MSRB3: variants seen among roughly 807,000 people sequenced by gnomAD.
MSRB3 encodes methionine-R-sulfoxide reductase B3.
Under a neutral mutation model 21.0 loss-of-function variants are expected in MSRB3, and 13 were observed. That is an observed-to-expected ratio of 0.62 (90% confidence interval 0.40 to 0.98). MSRB3 has a LOEUF of 0.98. Among genes scored for constraint, MSRB3 ranks in the 50% least tolerant of loss-of-function variants. The pLI, the probability that MSRB3 is intolerant of heterozygous loss-of-function variation, is 0.00. For synonymous variants in MSRB3, 87 were observed against 88.6 expected, an observed-to-expected ratio of 0.98 and a Z score of 0.10; for missense variants, 199 against 230.3, an observed-to-expected ratio of 0.86 and a Z score of 0.88.
intron 5 of MSRB3, among the ~76,000 whole-genome samples, chr12:65,403,803 A>G (rs1469294866): frequency 6.6e-6 from 1 of 152,162 alleles, no homozygotes; most frequent in Non-Finnish European, 1.5e-5. Context: ...TATCTGTGCC[A>G]GAGTGCAGCG....
intron 4 of MSRB3, among the ~76,000 whole-genome samples, chr12:65,354,597 G>T (rs7307667): frequency 0.092 from 13,944 of 151,572 alleles, 2,198 homozygotes; most frequent in African/African-American, 0.32. Flanking sequence ...AGGACTTCTC[G>T]GCATTGGTTA....
intron 6 of MSRB3, among the ~76,000 whole-genome samples, chr12:65,459,454 T>C (rs1268428354): frequency 6.6e-6 from 1 of 152,170 alleles, no homozygotes; most frequent in Non-Finnish European, 1.5e-5. Flanking sequence ...AAAATCATAA[T>C]GCTAAACTGG....
intron 1 of MSRB3, among the ~76,000 whole-genome samples, chr12:65,301,070 G>A (rs1159243087): frequency 6.6e-6 from 1 of 152,012 alleles, no homozygotes; most frequent in East Asian, 1.9e-4. Context: ...TTGATGTGAG[G>A]ATTAAATGAG....
At chr12:65,453,053 A>G (rs955147981) in intron 5 of MSRB3, among the ~76,000 whole-genome samples, 2 of 152,224 alleles carry the variant, frequency 1.3e-5, no homozygotes, top group African/African-American at 4.8e-5. Context: ...AAATCACTAG[A>G]ATAAATAAAA....
chr12:65,354,056 C>A (rs1443131319), intron 4 of MSRB3, among the ~76,000 whole-genome samples: 1 of 151,972 alleles, frequency 6.6e-6, no homozygotes, highest in East Asian at 1.9e-4. Context: ...TATTGGCCCC[C>A]ACTCTCTTCT....
intron 2 of MSRB3, among the ~76,000 whole-genome samples, chr12:65,324,470 A>G (rs1372981467): frequency 6.6e-6 from 1 of 152,222 alleles, no homozygotes; most frequent in Admixed American, 6.5e-5. Flanking sequence ...AGTAATTTCT[A>G]ATCTATGAAA....
rs534594773 is a variant in MSRB3, at chr12:65,447,217, G to T, written c.293-6511G>T. ...ATACAAACCCATACTACATCTAATG[G>T]CAGAGAAAACCTCCATCAGATGTGT... On this transcript the variant is annotated intron_variant, in intron 5 of 6. Transcript: ENST00000308259. Among the ~76,000 whole-genome samples, 48 of 152,242 alleles carry T rather than the reference G, an allele frequency of 3.2e-4. 1 individual carries two copies. The highest frequency in any genetic ancestry group is 8.3e-4 in the South Asian group (4 of 4,818).
intron 4 of MSRB3, among the ~76,000 whole-genome samples, chr12:65,349,163 G>T (rs1391308815): frequency 4.6e-5 from 7 of 152,058 alleles, no homozygotes; most frequent in East Asian, 1.9e-4. Flanking sequence ...GCAGTATTTG[G>T]TTTTTTGTTC....
intron 4 of MSRB3, among the ~76,000 whole-genome samples, chr12:65,366,389 G>A (rs1282841549): frequency 2.6e-5 from 4 of 152,148 alleles, no homozygotes. Flanking sequence ...GGCCATTTGG[G>A]TAGAGAATGA....
intron 5 of MSRB3, among the ~76,000 whole-genome samples, chr12:65,390,846 T>C (rs1879447081): frequency 6.6e-6 from 1 of 152,184 alleles, no homozygotes; most frequent in Admixed American, 6.5e-5. Flanking sequence ...ATCTTTCTTA[T>C]AGTTTTCTAT....
At chr12:65,382,855 C>T (rs1031275438) in intron 5 of MSRB3, among the ~76,000 whole-genome samples, 18 of 151,704 alleles carry the variant, frequency 1.2e-4, no homozygotes, top group Admixed American at 3.9e-4. Flanking sequence ...CCACCACACA[C>T]GTGTATATAT....
At chr12:65,370,275 AT>A (rs1878245008) in intron 5 of MSRB3, among the ~76,000 whole-genome samples, 1 of 152,130 alleles carries the variant, frequency 6.6e-6, no homozygotes, top group Admixed American at 6.5e-5. Context: ...AATCTTTTTC[AT>A]TTTTTAAGTT....
chr12:65,376,118 ATT>A (rs58214332), intron 5 of MSRB3, among the ~76,000 whole-genome samples: 9 of 131,916 alleles, frequency 6.8e-5, no homozygotes, highest in Middle Eastern at 4.0e-3. Context: ...TGAGTTTGTA[ATT>A]TTTTTTTTTT....
intron 5 of MSRB3, among the ~76,000 whole-genome samples, chr12:65,410,598 C>T (rs577138955): frequency 7.2e-5 from 11 of 152,058 alleles, no homozygotes; most frequent in Non-Finnish European, 1.2e-4. Context: ...GAGCTAAGAT[C>T]GCTCCACTAC....
At chr12:65,438,603 TAGAA>T (rs765893047) in intron 5 of MSRB3, among the ~76,000 whole-genome samples, 1 of 151,676 alleles carries the variant, frequency 6.6e-6, no homozygotes, top group Non-Finnish European at 1.5e-5. Context: ...TCCTGGAAAA[TAGAA>T]AGACAACAGG....
At chr12:65,396,054 T>C (rs74349636) in intron 5 of MSRB3, among the ~76,000 whole-genome samples, 2,731 of 152,306 alleles carry the variant, frequency 0.018, 89 homozygotes, top group African/African-American at 0.063. Context: ...GTAGATTGTT[T>C]GCTGTTCCTT....
chr12:65,408,176 C>T (rs1880520418), intron 5 of MSRB3, among the ~76,000 whole-genome samples: 1 of 152,146 alleles, frequency 6.6e-6, no homozygotes, highest in Middle Eastern at 3.4e-3. Flanking sequence ...CTCACTGCAA[C>T]CTCCACCTCC....
intron 5 of MSRB3, among the ~76,000 whole-genome samples, chr12:65,446,242 T>G (rs1753140966): frequency 6.6e-6 from 1 of 152,186 alleles, no homozygotes; most frequent in African/African-American, 2.4e-5. Context: ...TCCTTTCCAC[T>G]TAAGTAGGCA....
intron 4 of MSRB3, among the ~76,000 whole-genome samples, chr12:65,335,041 A>G (rs973957855): frequency 1.3e-5 from 2 of 152,178 alleles, no homozygotes; most frequent in African/African-American, 2.4e-5. Context: ...CAATCAGAAC[A>G]GGCACTGACT....
Sources: allele counts gnomAD v4.1 joint callset (sites outside exome capture counted in the v4.1 genomes callset), GRCh38; gene constraint gnomAD v4.1.1; transcripts MANE v1.5; gene names NCBI Gene and HGNC (gene_info 2026-07-23, HGNC 2026-07-21).